Variants in DORIP1 observed in about 807,000 individuals in gnomAD.
DORIP1 encodes dopamine receptor interacting protein 1.
the DORIP1 span, chr14:44,906,579 T>C: frequency 6.6e-6 from 1 of 152,618 alleles, no homozygotes; most frequent in Non-Finnish European, 1.5e-5. Context: ...ATCAGAACAT[T>C]ACGTTTCTTT....
At chr14:44,904,675 T>C in the DORIP1 span, 9 of 902,996 alleles carry the variant, frequency 1.0e-5, no homozygotes, top group Non-Finnish European at 1.4e-5. Flanking sequence ...GAATCAGAAT[T>C]TATTACAGAG....
chr14:44,905,224 C>A, the DORIP1 span: 1 of 474,246 alleles, frequency 2.1e-6, no homozygotes. Context: ...AATTTTATTA[C>A]ATGATCTATA....
the DORIP1 span, among the ~76,000 whole-genome samples, chr14:44,901,925 C>T: frequency 1.1e-4 from 17 of 152,134 alleles, no homozygotes; most frequent in East Asian, 1.4e-3. Context: ...TGTTGGGAAA[C>T]GTTAAAGCCT....
the DORIP1 span, among the ~76,000 whole-genome samples, chr14:44,898,108 G>A: frequency 6.6e-6 from 1 of 152,168 alleles, no homozygotes; most frequent in Non-Finnish European, 1.5e-5. Flanking sequence ...GGCCCGTAGA[G>A]CCTGGAGAAT....
the DORIP1 span, among the ~76,000 whole-genome samples, chr14:44,898,267 C>T: frequency 3.9e-3 from 586 of 152,154 alleles, 8 homozygotes; most frequent in African/African-American, 0.013. Flanking sequence ...GAACAAATCA[C>T]CAAATTCATG....
the DORIP1 span, among the ~76,000 whole-genome samples, chr14:44,897,928 G>A: frequency 6.6e-6 from 1 of 152,218 alleles, no homozygotes. Flanking sequence ...GGGACTTTTA[G>A]AATCCCTGAG....
chr14:44,903,242 G>T, the DORIP1 span: 1 of 1,613,396 alleles, frequency 6.2e-7, no homozygotes. Context: ...AACTTGATAA[G>T]ACTGGCTGTG....
the DORIP1 span, among the ~76,000 whole-genome samples, chr14:44,899,823 A>ATTTTTT: frequency 9.4e-4 from 126 of 134,440 alleles, 8 homozygotes; most frequent in African/African-American, 4.1e-3. Flanking sequence ...TTCATTTAGG[A>ATTTTTT]ATTTTTTTTT....
chr14:44,898,770 G>C, the DORIP1 span: 1 of 152,034 alleles, frequency 6.6e-6, no homozygotes, highest in East Asian at 1.9e-4. Context: ...ACTAAATATA[G>C]TTACTGGATA....
chr14:44,901,475 T>G, the DORIP1 span, among the ~76,000 whole-genome samples: 2 of 152,202 alleles, frequency 1.3e-5, no homozygotes, highest in African/African-American at 4.8e-5. Flanking sequence ...CATCCAAACA[T>G]CTTATAATTA....
At chr14:44,906,674 A>C in the DORIP1 span, 2 of 152,534 alleles carry the variant, frequency 1.3e-5, 1 homozygote, top group Non-Finnish European at 2.9e-5. Context: ...ATTTATCACC[A>C]TTTTAGTGTT....
chr14:44,907,041 C>T, the DORIP1 span: 2 of 152,414 alleles, frequency 1.3e-5, no homozygotes, highest in African/African-American at 4.8e-5. Flanking sequence ...TACAATAACA[C>T]AAATATTACA....
chr14:44,899,878 C>T, the DORIP1 span, among the ~76,000 whole-genome samples: 1 of 128,636 alleles, frequency 7.8e-6, no homozygotes, highest in African/African-American at 3.0e-5. Context: ...GTTGCCCAGG[C>T]TGGAATGAGA....
chr14:44,906,868 C>T, the DORIP1 span: 10 of 151,800 alleles, frequency 6.6e-5, no homozygotes, highest in African/African-American at 2.4e-4. Context: ...GAATGCCTCA[C>T]GTTAGCAAAT....
the DORIP1 span, chr14:44,905,645 G>A: frequency 1.1e-6 from 1 of 871,788 alleles, no homozygotes. Flanking sequence ...CAAGAAAATA[G>A]TTCAACTATA....
chr14:44,900,757 T>C, the DORIP1 span: 1 of 1,614,162 alleles, frequency 6.2e-7, no homozygotes, highest in Middle Eastern at 1.6e-4. Context: ...GAAGCTACTT[T>C]GGATTTGGGA....
the DORIP1 span, chr14:44,900,676 T>A: frequency 1.2e-6 from 2 of 1,612,556 alleles, no homozygotes; most frequent in Admixed American, 1.7e-5. Context: ...TAGGGAACTC[T>A]CTCTTCATTT....
At chr14:44,903,188 C>T in the DORIP1 span, 1 of 1,532,818 alleles carries the variant, frequency 6.5e-7, no homozygotes. Context: ...TTCTTACATG[C>T]ATTTAATAAT....
chr14:44,904,711 T>TG, the DORIP1 span: 1 of 604,146 alleles, frequency 1.7e-6, no homozygotes, highest in Admixed American at 3.9e-5. Context: ...GTGCACATAG[T>TG]GGGTAGGTGT....
Sources: allele counts gnomAD v4.1 joint callset (sites outside exome capture counted in the v4.1 genomes callset), GRCh38; gene constraint gnomAD v4.1.1; transcripts MANE v1.5; gene names NCBI Gene and HGNC (gene_info 2026-07-23, HGNC 2026-07-21).